The following DPYD variants were observed in gnomAD, a reference collection of about 807,000 sequenced individuals.
DPYD encodes dihydropyrimidine dehydrogenase [NADP(+)].
DPYD carries 109 observed loss-of-function variants against 116.2 expected under a neutral mutation model. The ratio of observed to expected loss-of-function variants is 0.94; its 90% confidence interval spans 0.80 to 1.10. The LOEUF is 1.10. Among genes scored for constraint, DPYD ranks in the 50% least tolerant of loss-of-function variants. The pLI, the probability that DPYD is intolerant of heterozygous loss-of-function variation, is 0.00. For synonymous variants in DPYD, 440 were observed against 432.0 expected (o/e 1.02, Z -0.23); for missense variants, 1,302 against 1,254.5 (o/e 1.04, Z -0.57).
intron 7 of DPYD, among the ~76,000 whole-genome samples, chr1:97,681,320 C>T (rs1321012263): frequency 6.6e-6 from 1 of 152,004 alleles, no homozygotes; most frequent in African/African-American, 2.4e-5. Flanking sequence ...TACGTGAAGA[C>T]CTACTAAAAA....
chr1:97,666,483 G>GT (rs773528278), intron 8 of DPYD, among the ~76,000 whole-genome samples: 31 of 151,990 alleles, frequency 2.0e-4, no homozygotes, highest in Non-Finnish European at 3.7e-4. Flanking sequence ...ATTCTTGGTT[G>GT]TGTGTGTGTG....
chr1:97,389,775 TATG>T (rs1394416998), intron 14 of DPYD, among the ~76,000 whole-genome samples: 11 of 151,840 alleles, frequency 7.2e-5, no homozygotes, highest in Admixed American at 6.6e-5. Context: ...AAATGCAAAG[TATG>T]ATAATTTACT....
chr1:97,550,976 G>A (rs1346826652), intron 11 of DPYD, among the ~76,000 whole-genome samples: 2 of 152,278 alleles, frequency 1.3e-5, no homozygotes, highest in South Asian at 2.1e-4. Flanking sequence ...AGGGTTTACT[G>A]TTGATTGTGT....
chr1:97,241,924 T>A (rs1662360560), intron 18 of DPYD, among the ~76,000 whole-genome samples: 3 of 151,272 alleles, frequency 2.0e-5, no homozygotes. Context: ...CATATAAGGA[T>A]AAACACTTAA....
At chr1:97,466,676 T>C (rs1413286576) in intron 13 of DPYD, among the ~76,000 whole-genome samples, 2 of 152,020 alleles carry the variant, frequency 1.3e-5, no homozygotes, top group Admixed American at 6.6e-5. Flanking sequence ...TGGGGCTAAA[T>C]GGGAAGTTAT....
At position 97,319,984 on chromosome 1, in the gene DPYD, CAT is replaced by C. The variant is rs1320947921; in HGVS notation, c.2059-13689_2059-13688del. Among the ~76,000 whole-genome samples, 4 of 138,688 alleles carry C rather than the reference CAT, an allele frequency of 2.9e-5. No individual in the cohort carries two copies. In the East Asian group the frequency reaches 8.6e-4, roughly 30 times the overall value. The allele number at this position is 138,688 out of a possible 152,430, so 91.0% of individuals were successfully genotyped here. On this transcript the variant is annotated intron_variant, in intron 16 of 22. Transcript: ENST00000370192. ...TAAACAGAGCCAAAGACAAAAACCA[CAT>C]GATTATCTCAATAGATGCAGAAAAG...
chr1:97,245,710 A>G (rs541027667), intron 18 of DPYD, among the ~76,000 whole-genome samples: 1 of 152,272 alleles, frequency 6.6e-6, no homozygotes, highest in African/African-American at 2.4e-5. Flanking sequence ...TATTCTGAGA[A>G]CATACAGAAA....
intron 8 of DPYD, among the ~76,000 whole-genome samples, chr1:97,641,593 C>T (rs575186333): frequency 3.9e-5 from 6 of 152,166 alleles, no homozygotes; most frequent in East Asian, 3.9e-4. Context: ...ATTGATGGAA[C>T]GTATCTCAAA....
At chr1:97,335,683 C>G (rs1227060630) in intron 16 of DPYD, among the ~76,000 whole-genome samples, 1 of 152,140 alleles carries the variant, frequency 6.6e-6, no homozygotes, top group Non-Finnish European at 1.5e-5. Flanking sequence ...CTCTGCATTA[C>G]CTTTTCCACT....
At chr1:97,158,379 A>G (rs1570571872) in intron 20 of DPYD, among the ~76,000 whole-genome samples, 1 of 151,852 alleles carries the variant, frequency 6.6e-6, no homozygotes, top group South Asian at 2.1e-4. Context: ...AGGATTCTTC[A>G]TATTTTTATT....
intron 20 of DPYD, among the ~76,000 whole-genome samples, chr1:97,124,139 G>A (rs115997369): frequency 9.5e-4 from 144 of 151,898 alleles, no homozygotes; most frequent in Non-Finnish European, 1.6e-3. Flanking sequence ...AATGATGCAA[G>A]GCCTGATCTG....
intron 16 of DPYD, among the ~76,000 whole-genome samples, chr1:97,368,584 T>C (rs1671160831): frequency 6.6e-6 from 1 of 152,178 alleles, no homozygotes. Flanking sequence ...TTATAGCTCC[T>C]GGGCAACTAT....
chr1:97,823,855 C>T (rs1373553219), intron 3 of DPYD, among the ~76,000 whole-genome samples: 1 of 128,480 alleles, frequency 7.8e-6, no homozygotes, highest in Non-Finnish European at 1.6e-5. Flanking sequence ...TGAAGTGAGA[C>T]TACAAAGTCT....
intron 1 of DPYD, among the ~76,000 whole-genome samples, chr1:97,910,997 A>G (rs902839607): frequency 6.6e-6 from 1 of 152,128 alleles, no homozygotes; most frequent in Non-Finnish European, 1.5e-5. Context: ...AATGTGGAAA[A>G]ATGTTTAAAA....
intron 3 of DPYD, among the ~76,000 whole-genome samples, chr1:97,815,100 GA>G (rs1668531712): frequency 2.0e-4 from 2 of 10,052 alleles, no homozygotes; most frequent in Admixed American, 2.1e-3. Flanking sequence ...GAGAAGAGAA[GA>G]GAAAAGAGAA....
chr1:97,306,043 T>A (rs1667140135), intron 17 of DPYD, 134 bp downstream of exon 17: 2 of 1,388,942 alleles, frequency 1.4e-6, no homozygotes, highest in African/African-American at 2.8e-5. Context: ...TGGGATCAAG[T>A]GCTCAACTGG....
At chr1:97,785,859 ATTTTTTG>A (rs1438237936) in intron 3 of DPYD, among the ~76,000 whole-genome samples, 37 of 150,966 alleles carry the variant, frequency 2.5e-4, no homozygotes. Context: ...CGCCCAGCTA[ATTTTTTG>A]TATTTTGTAG....
At chr1:97,401,262 G>A (rs1267024599) in intron 14 of DPYD, among the ~76,000 whole-genome samples, 2 of 151,964 alleles carry the variant, frequency 1.3e-5, no homozygotes, top group African/African-American at 4.8e-5. Context: ...CCAGTCGGTG[G>A]CTTGTCTTCT....
At chr1:97,268,660 G>T (rs1664385135) in intron 18 of DPYD, among the ~76,000 whole-genome samples, 1 of 152,146 alleles carries the variant, frequency 6.6e-6, no homozygotes, top group African/African-American at 2.4e-5. Context: ...AGCTGAGGGT[G>T]ATGGACAAAA....
Sources: allele counts gnomAD v4.1 joint callset (sites outside exome capture counted in the v4.1 genomes callset), GRCh38; gene constraint gnomAD v4.1.1; transcripts MANE v1.5; gene names NCBI Gene and HGNC (gene_info 2026-07-23, HGNC 2026-07-21).